ROBO2: variants seen among roughly 807,000 people sequenced by gnomAD.
ROBO2 encodes the protein roundabout homolog 2.
Under a neutral mutation model 160.8 loss-of-function variants are expected in ROBO2, and 53 were observed. The ratio of observed to expected loss-of-function variants is 0.33; its 90% CI spans 0.26 to 0.41. ROBO2 has a LOEUF of 0.41. Ranked by LOEUF, ROBO2 falls within the 10% of genes least tolerant of loss-of-function variation. The pLI is 1.00. For synonymous variants in ROBO2, 664 were observed against 611.7 expected (o/e 1.09, Z -1.26); for missense variants, 1,577 against 1,722.4 (o/e 0.92, Z 1.49).
rs75515931 is a variant in ROBO2 at position 76,793,970 on chromosome 3, C to T, written c.110-304044C>T. ...AGATCATTGTCCATCTATTTGTTGC[C>T]TTCTTGAAAGTCTTTTTATTGGCTT... On this transcript the variant is annotated intron_variant, in intron 2 of 26. Coordinates refer to the ROBO2 transcript ENST00000487694. Among the ~76,000 whole-genome samples, 887 of 151,850 alleles carry T rather than the reference C, an allele frequency of 5.8e-3. 15 individuals are homozygous for T. Among genetic ancestry groups the T allele is most frequent in the African/African-American group, 0.02 (834 of 41,492 alleles).
At chr3:76,889,808 G>T (rs1430486055) in intron 2 of ROBO2, among the ~76,000 whole-genome samples, 1 of 152,094 alleles carries the variant, frequency 6.6e-6, no homozygotes, top group African/African-American at 2.4e-5. Flanking sequence ...GGTTGTATTT[G>T]TTTTTTGTTT....
At chr3:76,012,606 A>G (rs1204607452) in intron 2 of ROBO2, among the ~76,000 whole-genome samples, 2 of 151,794 alleles carry the variant, frequency 1.3e-5, no homozygotes, top group African/African-American at 4.8e-5. Flanking sequence ...GACTGGGGAT[A>G]TTTGTGACTG....
intron 2 of ROBO2, among the ~76,000 whole-genome samples, chr3:76,869,460 C>T (rs1411156631): frequency 6.7e-6 from 1 of 149,840 alleles, no homozygotes; most frequent in African/African-American, 2.5e-5. Context: ...CGCCATTCTC[C>T]TGCCTCAGCC....
Position 76,755,264 on chromosome 3 carries a change from C to G in ROBO2, c.110-342750C>G, listed in dbSNP as rs142821933. ...CCAAACAGTTTTCATGAGACAAGTACTTTCTAGATTCTAGATGTGCTGCTT... is the reference window on the plus strand; with the variant it reads ...CCAAACAGTTTTCATGAGACAAGTAGTTTCTAGATTCTAGATGTGCTGCTT... On this transcript the variant is annotated intron_variant, in intron 2 of 26. Coordinates refer to the ROBO2 transcript ENST00000487694. Among the ~76,000 whole-genome samples, 1,156 of 151,896 alleles carry G rather than the reference C, an allele frequency of 7.6e-3. 13 individuals carry two copies. Among genetic ancestry groups the G allele is most frequent in the African/African-American group, 0.026 (1,093 of 41,492 alleles).
chr3:76,593,409 T>C (rs929913095), intron 2 of ROBO2, among the ~76,000 whole-genome samples: 1 of 152,064 alleles, frequency 6.6e-6, no homozygotes, highest in Non-Finnish European at 1.5e-5. Flanking sequence ...AATAGCTGCA[T>C]TTAAGGTGCC....
At chr3:77,584,536 C>T (rs1454936991) in intron 16 of ROBO2, among the ~76,000 whole-genome samples, 1 of 152,048 alleles carries the variant, frequency 6.6e-6, no homozygotes, top group African/African-American at 2.4e-5. Context: ...AGAATTCTTT[C>T]TATTACAAAT....
At chr3:77,065,224 A>G (rs1417736224) in intron 1 of ROBO2, among the ~76,000 whole-genome samples, 1 of 152,162 alleles carries the variant, frequency 6.6e-6, no homozygotes, top group Non-Finnish European at 1.5e-5. Context: ...GCTCCCTGGG[A>G]AAGAGTAGAG....
chr3:76,427,473 A>C (rs9847021), intron 2 of ROBO2, among the ~76,000 whole-genome samples: 13,239 of 152,138 alleles, frequency 0.087, 1,103 homozygotes, highest in East Asian at 0.3. Flanking sequence ...AAGGACAGCA[A>C]AGGGGGTTGT....
chr3:77,353,268 C>A (rs183386916), intron 2 of ROBO2, among the ~76,000 whole-genome samples: 7 of 152,278 alleles, frequency 4.6e-5, no homozygotes, highest in African/African-American at 1.7e-4. Flanking sequence ...ATTTGGGGTG[C>A]TGTCAATAGT....
chr3:76,673,685 A>C (rs2092329503), intron 2 of ROBO2, among the ~76,000 whole-genome samples: 1 of 152,158 alleles, frequency 6.6e-6, no homozygotes, highest in Non-Finnish European at 1.5e-5. Flanking sequence ...ATTTTCTTTC[A>C]TCATTATAAG....
At chr3:77,345,595 C>G (rs1464074565) in intron 2 of ROBO2, among the ~76,000 whole-genome samples, 1 of 152,124 alleles carries the variant, frequency 6.6e-6, no homozygotes, top group Non-Finnish European at 1.5e-5. Context: ...ATAACTCACA[C>G]AACTATCTTT....
At chr3:76,922,636 A>T (rs2076738945) in intron 2 of ROBO2, among the ~76,000 whole-genome samples, 1 of 152,186 alleles carries the variant, frequency 6.6e-6, no homozygotes, top group Admixed American at 6.5e-5. Flanking sequence ...GACCTATTTT[A>T]TCGACCCTGG....
At chr3:76,709,402 G>A (rs892064952) in intron 2 of ROBO2, among the ~76,000 whole-genome samples, 7 of 152,212 alleles carry the variant, frequency 4.6e-5, no homozygotes, top group African/African-American at 1.7e-4. Context: ...GGAAGAAAGG[G>A]TAGGGATTTG....
intron 2 of ROBO2, among the ~76,000 whole-genome samples, chr3:76,591,074 A>G (rs927616114): frequency 6.6e-6 from 1 of 152,118 alleles, no homozygotes; most frequent in African/African-American, 2.4e-5. Context: ...ATAACTTTTG[A>G]CTGCCCCAAA....
chr3:77,391,312 A>G (rs1224620583), intron 2 of ROBO2, among the ~76,000 whole-genome samples: 1 of 152,086 alleles, frequency 6.6e-6, no homozygotes, highest in African/African-American at 2.4e-5. Context: ...AAGCTTTTTT[A>G]AGAAATTTTT....
chr3:77,222,377 A>C (rs768082968), intron 2 of ROBO2, among the ~76,000 whole-genome samples: 18 of 152,188 alleles, frequency 1.2e-4, no homozygotes, highest in Admixed American at 3.3e-4. Flanking sequence ...AGTGGGTTAC[A>C]TGTTACCGAT....
chr3:76,985,516 A>T, intron 2 of ROBO2, among the ~76,000 whole-genome samples: 1 of 127,582 alleles, frequency 7.8e-6, no homozygotes, highest in East Asian at 2.8e-4. Flanking sequence ...CAGGAGGCGG[A>T]GCTTGCAGTG....
chr3:76,632,489 T>G (rs150770651), intron 2 of ROBO2, among the ~76,000 whole-genome samples: 13 of 152,268 alleles, frequency 8.5e-5, no homozygotes, highest in Admixed American at 7.2e-4. Context: ...GTGAGGTAAG[T>G]TAGAGCACAA....
intron 1 of ROBO2, among the ~76,000 whole-genome samples, chr3:77,064,814 G>A (rs1434957873): frequency 6.6e-6 from 1 of 152,104 alleles, no homozygotes; most frequent in Non-Finnish European, 1.5e-5. Flanking sequence ...GAGGGAAAAG[G>A]GAGAATGAAT....
Sources: allele counts gnomAD v4.1 joint callset (sites outside exome capture counted in the v4.1 genomes callset), GRCh38; gene constraint gnomAD v4.1.1; transcripts MANE v1.5; gene names NCBI Gene and HGNC (gene_info 2026-07-23, HGNC 2026-07-21).